The following GPR35 variants were observed in gnomAD, a reference collection of about 807,000 sequenced individuals.
GPR35 encodes G protein-coupled receptor 35, also known as KYNA receptor.
For synonymous variants in GPR35, 207 were observed against 198.4 expected, an observed-to-expected ratio of 1.04 and a Z score of -0.36; for missense variants, 372 against 422.5, an observed-to-expected ratio of 0.88 and a Z score of 1.05.
At chr2:240,622,038 G>C (rs2953151), upstream of GPR35, among the ~76,000 whole-genome samples, 1 of 150,146 alleles carries the variant, frequency 6.7e-6, no homozygotes, top group Non-Finnish European at 1.5e-5. Flanking sequence ...ATGCGTGGCT[G>C]ATTTTTTTTT....
chr2:240,623,139 G>A (rs2043318138), upstream of GPR35, among the ~76,000 whole-genome samples: 1 of 152,244 alleles, frequency 6.6e-6, no homozygotes, highest in Non-Finnish European at 1.5e-5. Flanking sequence ...GTCGCTGTGG[G>A]TGAGCGGTCG....
intron 1 of GPR35, chr2:240,629,748 A>C: frequency 2.0e-6 from 1 of 504,112 alleles, no homozygotes; most frequent in East Asian, 3.0e-5. Context: ...TGGGAAGAGG[A>C]TCTGTCCAGG....
intron 5 of GPR35, among the ~76,000 whole-genome samples, chr2:240,619,228 G>A (rs77915963): frequency 0.053 from 8,042 of 152,262 alleles, 512 homozygotes; most frequent in East Asian, 0.2. Context: ...AGGAGAAATG[G>A]TGTTGCAGTG....
chr2:240,623,509 G>GTCGTGAGGGTGCAAACAGA, upstream of GPR35, among the ~76,000 whole-genome samples: 1 of 150,734 alleles, frequency 6.6e-6, no homozygotes, highest in Non-Finnish European at 1.5e-5. Flanking sequence ...GTGCAAACAG[G>GTCGTGAGGGTGCAAACAGA]TCGTGAGGGT....
chr2:240,622,140 A>G (rs1414962229), upstream of GPR35, among the ~76,000 whole-genome samples: 2 of 152,030 alleles, frequency 1.3e-5, no homozygotes, highest in East Asian at 1.9e-4. Flanking sequence ...TTGGCCTCCC[A>G]AAGTGCTGGG....
upstream of GPR35, among the ~76,000 whole-genome samples, chr2:240,624,683 T>C (rs922048699): frequency 2.0e-5 from 3 of 152,078 alleles, no homozygotes; most frequent in Non-Finnish European, 4.4e-5. Context: ...GGGGCCCACG[T>C]TGAGGAGACG....
At chr2:240,629,885 G>A (rs968899333) in intron 1 of GPR35, 64 bp from the exon 2 acceptor site, 3 of 1,400,166 alleles carry the variant, frequency 2.1e-6, no homozygotes, top group East Asian at 2.3e-5. Context: ...TGGGCAGAGT[G>A]GGGGCAGTGC....
intron 2 of GPR35, among the ~76,000 whole-genome samples, chr2:240,613,272 G>C (rs2043204304): frequency 6.6e-6 from 1 of 152,194 alleles, no homozygotes; most frequent in Non-Finnish European, 1.5e-5. Context: ...AGTGAGCAGA[G>C]AGGACAGCAG....
intron 2 of GPR35, among the ~76,000 whole-genome samples, chr2:240,613,074 A>T (rs1024358697): frequency 1.3e-5 from 2 of 152,254 alleles, no homozygotes; most frequent in African/African-American, 4.8e-5. Context: ...GCAGACCTTC[A>T]GTAACCCCAG....
At chr2:240,609,920 T>C (rs1485874023) in intron 2 of GPR35, among the ~76,000 whole-genome samples, 1 of 152,218 alleles carries the variant, frequency 6.6e-6, no homozygotes, top group Non-Finnish European at 1.5e-5. Flanking sequence ...TTTAGAATTG[T>C]TAGATATTCT....
At chr2:240,609,234 C>A (rs1311810769) in intron 2 of GPR35, among the ~76,000 whole-genome samples, 1 of 150,604 alleles carries the variant, frequency 6.6e-6, no homozygotes, top group African/African-American at 2.4e-5. Flanking sequence ...TTTCTTATTT[C>A]TTCTGCTTAC....
intron 5 of GPR35, among the ~76,000 whole-genome samples, chr2:240,619,628 G>A (rs2125480811): frequency 6.6e-6 from 1 of 152,326 alleles, no homozygotes; most frequent in Admixed American, 6.5e-5. Flanking sequence ...CCTGCTGGAG[G>A]GACTGCCCCT....
chr2:240,606,191 C>A (rs1422697844), intron 1 of GPR35, among the ~76,000 whole-genome samples: 1 of 152,212 alleles, frequency 6.6e-6, no homozygotes, highest in Non-Finnish European at 1.5e-5. Flanking sequence ...AACATGGCAC[C>A]AGGTTTAGTA....
intron 5 of GPR35, among the ~76,000 whole-genome samples, chr2:240,619,747 C>G (rs2125480882): frequency 6.6e-6 from 1 of 152,364 alleles, no homozygotes; most frequent in Non-Finnish European, 1.5e-5. Flanking sequence ...CAGACTCCCC[C>G]AACCGGAGGT....
chr2:240,621,483 G>T (rs187495997), upstream of GPR35, among the ~76,000 whole-genome samples: 1 of 152,230 alleles, frequency 6.6e-6, no homozygotes, highest in East Asian at 1.9e-4. Context: ...TTGAACTCCT[G>T]ACCTCGTGAT....
rs1304651140 is a variant in GPR35, at chr2:240,616,525, T to C, written c.-453+14T>C. The C allele has an allele frequency of 3.9e-6, 3 of 777,762 alleles. No homozygotes were observed. The African/African-American group carries it at 5.1e-5, about 13-fold the overall frequency. The allele number at this position is 777,762 out of a possible 1,614,324, so 48.2% of individuals were successfully genotyped here. Reference sequence around the variant, plus strand: ...CACCAGATTCAGGTGAGAGTTTTGGTTTTTTGACAAGCCCACTTCATCAGC... The same window carrying C: ...CACCAGATTCAGGTGAGAGTTTTGGCTTTTTGACAAGCCCACTTCATCAGC... On this transcript the variant is annotated intron_variant, in intron 3 of 5. Transcript: ENST00000319838.
At chr2:240,613,004 C>A (rs574602438) in intron 2 of GPR35, among the ~76,000 whole-genome samples, 1 of 152,362 alleles carries the variant, frequency 6.6e-6, no homozygotes, top group East Asian at 1.9e-4. Flanking sequence ...AGAAGCTGAG[C>A]AATCAGCCTC....
intron 4 of GPR35, among the ~76,000 whole-genome samples, chr2:240,618,383 T>A (rs1287194577): frequency 6.6e-6 from 1 of 152,248 alleles, no homozygotes; most frequent in Non-Finnish European, 1.5e-5. Context: ...TTAAAATTAT[T>A]TGGAAAATGA....
chr2:240,623,697 A>G (rs542708850), upstream of GPR35, among the ~76,000 whole-genome samples: 1 of 152,136 alleles, frequency 6.6e-6, no homozygotes, highest in African/African-American at 2.4e-5. Context: ...GGGCAGATGG[A>G]GAGAGGTAGG....
Sources: allele counts gnomAD v4.1 joint callset (sites outside exome capture counted in the v4.1 genomes callset), GRCh38; gene constraint gnomAD v4.1.1; transcripts MANE v1.5; gene names NCBI Gene and HGNC (gene_info 2026-07-23, HGNC 2026-07-21).